Variants in AKAP13 observed in about 807,000 individuals in gnomAD.
The protein encoded by AKAP13 is A-kinase anchor protein 13.
A neutral mutation model predicts 264.5 loss-of-function variants in AKAP13; 80 were observed. The ratio of observed to expected loss-of-function variants is 0.30; its 90% CI spans 0.25 to 0.36. The LOEUF is 0.36. Among genes scored for constraint, AKAP13 ranks in the 10% least tolerant of loss-of-function variants. The probability of loss-of-function intolerance (pLI) is 1.00; values close to 1 mark genes in which losing one functional copy is unlikely to be tolerated. For missense variants in AKAP13, 3,712 were observed against 3,435.2 expected (o/e 1.08, Z -2.01); for synonymous variants, 1,380 against 1,250.2 (o/e 1.10, Z -2.19).
intron 13 of AKAP13, among the ~76,000 whole-genome samples, chr15:85,666,246 T>C (rs948004537): frequency 1.3e-5 from 2 of 152,198 alleles, no homozygotes; most frequent in Non-Finnish European, 2.9e-5. Context: ...TATCTCATTG[T>C]GGTTTTGATT....
At chr15:85,387,666 A>G (rs2150791961) in intron 1 of AKAP13, among the ~76,000 whole-genome samples, 1 of 87,816 alleles carries the variant, frequency 1.1e-5, no homozygotes, top group South Asian at 2.8e-4. Context: ...GCTGGAAATC[A>G]GTTAGGGGGC....
chr15:85,595,089 GT>G (rs951398011), intron 8 of AKAP13, among the ~76,000 whole-genome samples: 3 of 151,656 alleles, frequency 2.0e-5, no homozygotes, highest in Non-Finnish European at 2.9e-5. Flanking sequence ...AATTTGGAGG[GT>G]TTTTTTTGTT....
intron 8 of AKAP13, among the ~76,000 whole-genome samples, chr15:85,589,351 T>A (rs2079493500): frequency 6.6e-6 from 1 of 152,112 alleles, no homozygotes; most frequent in Non-Finnish European, 1.5e-5. Context: ...CAAAGGAGTG[T>A]CACTGTGCTT....
intron 1 of AKAP13, among the ~76,000 whole-genome samples, chr15:85,477,746 A>T (rs534140156): frequency 6.6e-6 from 1 of 151,530 alleles, no homozygotes; most frequent in African/African-American, 2.4e-5. Flanking sequence ...TTTCCCTTGT[A>T]TAATGGCTGA....
chr15:85,682,331 T>C, intron 15 of AKAP13, 119 bp downstream of exon 15: 3 of 1,008,898 alleles, frequency 3.0e-6, no homozygotes, highest in Non-Finnish European at 4.4e-6. Context: ...CTTTGAGTGA[T>C]AAACTTGGAA....
At chr15:85,424,599 A>G (rs151182074) in intron 1 of AKAP13, among the ~76,000 whole-genome samples, 55 of 152,302 alleles carry the variant, frequency 3.6e-4, no homozygotes, top group African/African-American at 6.0e-4. Context: ...TAATAAGGCT[A>G]TTGTGCTTTC....
intron 13 of AKAP13, among the ~76,000 whole-genome samples, chr15:85,665,724 C>T (rs1175641851): frequency 2.6e-5 from 4 of 152,060 alleles, no homozygotes; most frequent in Non-Finnish European, 4.4e-5. Flanking sequence ...TTCCCCGCCC[C>T]GTGTCCAAGT....
At chr15:85,641,445 C>CAAATAAATAAAT (rs199664618) in intron 9 of AKAP13, among the ~76,000 whole-genome samples, 20 of 97,414 alleles carry the variant, frequency 2.1e-4, no homozygotes, top group African/African-American at 6.1e-4. Flanking sequence ...GACTCCATCT[C>CAAATAAATAAAT]AAATAAATAA....
chr15:85,535,572 A>T (rs148234814), intron 4 of AKAP13: 37 of 152,240 alleles, frequency 2.4e-4, no homozygotes, highest in African/African-American at 8.7e-4. Context: ...AGCTCCTCCT[A>T]TTTCTGTATT....
chr15:85,669,817 T>A lies in AKAP13; in HGVS notation c.5088T>A (p.His1696Gln), dbSNP rs919736404. 24 of 1,607,098 alleles carry A rather than the reference T, an allele frequency of 1.5e-5. No homozygotes were observed. In the Admixed American group the frequency reaches 4.0e-4, roughly 27 times the overall value. The change falls in exon 14 of 37, where the codon CAT becomes CAA. Residue 1696 changes from histidine to glutamine, a missense_variant. By Grantham distance (24) the His-to-Gln change is conservative (BLOSUM62 0). Around this residue, in one of 3 missense-constraint regions of AKAP13, gnomAD observed 2,759 missense variants for 2,411.7 expected, o/e 1.14. Coordinates refer to ENST00000394518, the MANE Select transcript of AKAP13 (RefSeq NM_007200.5). Reference protein sequence around the residue: ...TKSISLMTISHPGLDNSRPFH... With the variant: ...TKSISLMTISQPGLDNSRPFH... Reference sequence around the variant, plus strand: ...CCATCTCATTAATGACAATCAGCCATCCTGGATTGGACAGTGAGTATACTA... The same window carrying A: ...CCATCTCATTAATGACAATCAGCCAACCTGGATTGGACAGTGAGTATACTA...
chr15:85,620,113 C>A, intron 8 of AKAP13: 2 of 1,536,054 alleles, frequency 1.3e-6, no homozygotes, highest in South Asian at 1.2e-5. Flanking sequence ...GCACAAGAGG[C>A]GCTACAGCCT....
chr15:85,454,143 C>T (rs1434940069), intron 1 of AKAP13, among the ~76,000 whole-genome samples: 1 of 152,132 alleles, frequency 6.6e-6, no homozygotes, highest in Non-Finnish European at 1.5e-5. Context: ...TGGTCAGTCC[C>T]CTGGATTCAG....
chr15:85,526,545 A>T (rs6496051), intron 3 of AKAP13, among the ~76,000 whole-genome samples: 43,129 of 152,028 alleles, frequency 0.28, 7,465 homozygotes, highest in African/African-American at 0.5. Context: ...TGTTGGGATT[A>T]CAGGCGTGAC....
At chr15:85,399,553 A>T (rs1447054692) in intron 1 of AKAP13, among the ~76,000 whole-genome samples, 1 of 148,410 alleles carries the variant, frequency 6.7e-6, no homozygotes, top group Non-Finnish European at 1.5e-5. Context: ...TAAATAAATA[A>T]ATAAAGTTTT....
chr15:85,426,942 A>ATTGTT (rs1195985467), intron 1 of AKAP13, among the ~76,000 whole-genome samples: 1 of 125,078 alleles, frequency 8.0e-6, no homozygotes, highest in Non-Finnish European at 1.6e-5. Context: ...CCTCCTTAGT[A>ATTGTT]TTGTTTTGTT....
intron 2 of AKAP13, among the ~76,000 whole-genome samples, chr15:85,503,264 C>T (rs532024228): frequency 6.6e-6 from 1 of 152,260 alleles, no homozygotes; most frequent in South Asian, 2.1e-4. Flanking sequence ...AGTTTACAAT[C>T]TAGGAGTTCT....
At chr15:85,400,743 A>G (rs2071382079) in intron 1 of AKAP13, among the ~76,000 whole-genome samples, 1 of 151,930 alleles carries the variant, frequency 6.6e-6, no homozygotes, top group Admixed American at 6.6e-5. Flanking sequence ...TTGATACACC[A>G]GCTTGTCTCT....
intron 14 of AKAP13, among the ~76,000 whole-genome samples, chr15:85,673,896 T>G (rs543950774): frequency 3.4e-4 from 51 of 151,990 alleles, no homozygotes; most frequent in African/African-American, 1.2e-3. Context: ...TTTTACCATG[T>G]TAGCCAGAAT....
chr15:85,620,174 T>C (rs1282689371), intron 8 of AKAP13: 1 of 1,535,926 alleles, frequency 6.5e-7, no homozygotes, highest in Admixed American at 2.0e-5. Flanking sequence ...TTGCTGAAGG[T>C]AAGGGGGGCT....
Sources: allele counts gnomAD v4.1 joint callset (sites outside exome capture counted in the v4.1 genomes callset), GRCh38; gene constraint gnomAD v4.1.1; regional missense constraint gnomAD v4.1.1; transcripts MANE v1.5; gene names NCBI Gene and HGNC (gene_info 2026-07-23, HGNC 2026-07-21).